Variants in IRF2BPL observed in about 807,000 individuals in gnomAD.
IRF2BPL encodes the protein interferon regulatory factor 2 binding protein like.
A neutral mutation model predicts 51.2 loss-of-function variants in IRF2BPL; 13 were observed. The ratio of observed to expected loss-of-function variants is 0.25; its 90% CI spans 0.17 to 0.40. The LOEUF (loss-of-function observed/expected upper bound fraction) is 0.40. Among genes scored for constraint, IRF2BPL ranks in the 10% least tolerant of loss-of-function variants. IRF2BPL has a pLI of 1.00. For synonymous variants in IRF2BPL, 768 were observed against 509.2 expected, an observed-to-expected ratio of 1.51 and a Z score of -6.84; for missense variants, 1,210 against 1,111.8, an observed-to-expected ratio of 1.09 and a Z score of -1.26.
Position 77,027,635 on chromosome 14 carries a change from G to C in IRF2BPL, c.158C>G (p.Thr53Arg). Residue 53 changes from threonine to arginine, a missense_variant, in exon 1 of 1, where the codon ACA becomes AGA. Transcript: ENST00000238647. ...GTGCGCCCGCTTCAGCTGGCGCGCT[G>C]TCTCGATCACGAATTCGATGCGATC... ...GADRIEFVIE[T>R]ARQLKRAHGC... is the part of the protein sequence containing the mutation. 6.2e-7 allele frequency: 1 copy of C among 1,609,628 alleles called. No homozygotes were observed. The highest frequency in any genetic ancestry group is 1.1e-5 in the South Asian group (1 of 90,814).
rs1248903106 is a variant in IRF2BPL at position 77,027,370 on chromosome 14, C to T, written c.423G>A (p.Ala141=). 2.0e-6 allele frequency: 3 copies of T among 1,515,224 alleles called. No individual in the cohort carries two copies. The highest frequency in any genetic ancestry group is 1.8e-6 in the Non-Finnish European group (2 of 1,134,910). The allele number at this position is 1,515,224 out of a possible 1,614,324, so 93.9% of individuals were successfully genotyped here. ...CGTAGCGCTCCAGGCCAGACGGGGC[C>T]GCCAGCACCGCAGGCTTGCTGGAAC... ...VDGSSKPAVL[A]APSGLERYGL... The change falls in exon 1 of 1, where the codon GCG becomes GCA. Residue 141 remains alanine (A), a synonymous_variant. Transcript: ENST00000238647.
Position 77,026,289 on chromosome 14 carries a change from C to T in IRF2BPL, c.1504G>A (p.Ala502Thr), listed in dbSNP as rs1489269809. The T allele has an allele frequency of 6.6e-7, 1 of 1,519,558 alleles. No individual in the cohort carries two copies. The highest frequency in any genetic ancestry group is 8.8e-7 in the Non-Finnish European group (1 of 1,135,014). 94.1% of individuals were successfully genotyped at this position (1,519,558 alleles called of 1,614,324 possible). A position where few individuals can be genotyped will look rare whatever the true frequency, so the allele number is the denominator to read the frequency against. The change falls in exon 1 of 1, where the codon GCC becomes ACC. Residue 502 changes from alanine to threonine, a missense_variant. Coordinates refer to ENST00000238647, the MANE Select transcript of IRF2BPL (RefSeq NM_024496.4). ...GCAGTGGGCAGCATGGGACAGCTGG[C>T]GTCCAGGTAGGGCTGGGGCAGCATG... ...ADMLPQPYLD[A>T]SCPMLPTALV...
rs761663166 is a variant in IRF2BPL at position 77,027,446 on chromosome 14, TGCTGTTGC to T, written c.339_346del (p.Gln114AlafsTer16). On this transcript the variant is annotated frameshift_variant, in exon 1 of 1. Transcript: ENST00000238647. LOFTEE classifies it high-confidence loss of function. ...CTGCTGCTGCTGCTGCTGCTGCTGC[TGCTGTTGC>T]TGCTGCTGCTGCTGCTGTTGCTGTT... is the stretch of plus-strand genomic sequence containing the variant. The T allele has an allele frequency of 1.5e-3, 1,462 of 968,094 alleles. 3 individuals carry two copies. The highest frequency in any genetic ancestry group is 0.01 in the South Asian group (596 of 58,784). The allele number at this position is 968,094 out of a possible 1,614,324, so 60.0% of individuals were successfully genotyped here.
rs575212255 is a variant in IRF2BPL, at chr14:77,027,917, G to C, written c.-125C>G. ...GGGAGGGAGGAGGGGGGGCGAGAAA[G>C]TTCTGCCCCAGGGGCTGGAGGGAAC... On this transcript the variant is annotated 5_prime_UTR_variant, in exon 1 of 1. Coordinates refer to ENST00000238647, the MANE Select transcript of IRF2BPL (RefSeq NM_024496.4). 3.2e-5 allele frequency: 39 copies of C among 1,237,722 alleles called. No individual in the cohort carries two copies. The South Asian group carries it at 6.1e-4, about 19-fold the overall frequency. The allele number at this position is 1,237,722 out of a possible 1,614,324, so 76.7% of individuals were successfully genotyped here.
Position 77,027,484 on chromosome 14 carries a change from TTGCGC to T in IRF2BPL, c.304_308del (p.Ala102ThrfsTer29). Reference sequence around the variant, plus strand: ...GCTGCTGCTGCTGTTGCTGTTGCTGTTGCGCGGCGGCGGCGGCGGCCGCCGCTGCT... The same window carrying T: ...GCTGCTGCTGCTGTTGCTGTTGCTGTGGCGGCGGCGGCGGCCGCCGCTGCT... On this transcript the variant is annotated frameshift_variant, in exon 1 of 1. Coordinates refer to ENST00000238647, the MANE Select transcript of IRF2BPL (RefSeq NM_024496.4). LOFTEE classifies it high-confidence loss of function. The T allele has an allele frequency of 7.6e-7, 1 of 1,318,234 alleles. No homozygotes were observed. The highest frequency in any genetic ancestry group is 9.7e-7 in the Non-Finnish European group (1 of 1,035,434). The allele number at this position is 1,318,234 out of a possible 1,614,324, so 81.7% of individuals were successfully genotyped here.
At position 77,025,244 on chromosome 14, in the gene IRF2BPL, A is replaced by C; in HGVS notation, c.*158T>G. The C allele has an allele frequency of 2.1e-6, 1 of 472,998 alleles. No homozygotes were observed. Among genetic ancestry groups the C allele is most frequent in the Admixed American group, 3.8e-5 (1 of 26,586 alleles). The allele number at this position is 472,998 out of a possible 1,614,324, so 29.3% of individuals were successfully genotyped here. ...CAAAATATAGAAACATACGACGAAA[A>C]TAATGTCTATACATAAGACTAACTT... is the stretch of plus-strand genomic sequence containing the variant. On this transcript the variant is annotated 3_prime_UTR_variant, in exon 1 of 1. Coordinates refer to ENST00000238647, the MANE Select transcript of IRF2BPL (RefSeq NM_024496.4).
Position 77,027,929 on chromosome 14 carries a change from G to A in IRF2BPL, c.-137C>T, listed in dbSNP as rs1044838559. 1.3e-5 allele frequency: 14 copies of A among 1,113,260 alleles called. No homozygotes were observed. The highest frequency in any genetic ancestry group is 1.7e-5 in the Non-Finnish European group (14 of 832,508). The allele number at this position is 1,113,260 out of a possible 1,614,324, so 69.0% of individuals were successfully genotyped here. ...GGGGGGCGAGAAAGTTCTGCCCCAG[G>A]GGCTGGAGGGAACGCGAGTCTCCAC... On this transcript the variant is annotated 5_prime_UTR_variant, in exon 1 of 1. Coordinates refer to ENST00000238647, the MANE Select transcript of IRF2BPL (RefSeq NM_024496.4).
Position 77,026,438 on chromosome 14 carries a change from C to A in IRF2BPL, c.1355G>T (p.Gly452Val). Residue 452 changes from glycine to valine, a missense_variant, in exon 1 of 1, where the codon GGC becomes GTC. By Grantham distance (109) the Gly-to-Val change is moderately radical (BLOSUM62 -3). Transcript: ENST00000238647. ...CAGGTACTTGAAACCCGAGGATAGG[C>A]CCCGGCCGAAGTCCTTCATGCAGTC... ...YQDCMKDFGR[G>V]LSSGFKYLEY... 6.2e-7 allele frequency: 1 copy of A among 1,613,484 alleles called. No homozygotes were observed. The highest frequency in any genetic ancestry group is 8.5e-7 in the Non-Finnish European group (1 of 1,180,000).
chr14:77,026,988 C>A lies in IRF2BPL; in HGVS notation c.805G>T (p.Ala269Ser). ...QTLLNGPASAAVLPPPPPHAL... is the reference protein window; with the variant it reads ...QTLLNGPASASVLPPPPPHAL... ...TGGGGAGGGGGTGGGGGGAGTACCG[C>A]AGCGCTGGCCGGGCCGTTAAGCAGC... The change falls in exon 1 of 1, where the codon GCG (alanine) becomes TCG (serine). Residue 269 changes from alanine to serine, a missense_variant. Ala to Ser is a moderately conservative substitution (Grantham distance 99). Coordinates refer to ENST00000238647, the MANE Select transcript of IRF2BPL (RefSeq NM_024496.4). The A allele has an allele frequency of 6.7e-7, 1 of 1,491,610 alleles. No individual in the cohort carries two copies. The highest frequency in any genetic ancestry group is 2.2e-5 in the Admixed American group (1 of 45,340). 92.4% of individuals were successfully genotyped at this position (1,491,610 alleles called of 1,614,324 possible).
Position 77,025,662 on chromosome 14 carries a change from C to G in IRF2BPL, c.2131G>C (p.Gly711Arg). 1 of 1,564,780 alleles carries G rather than the reference C, an allele frequency of 6.4e-7. No individual in the cohort carries two copies. The highest frequency in any genetic ancestry group is 8.7e-7 in the Non-Finnish European group (1 of 1,152,474). ...NIPDSPMANSGPLCCTICHER... is the reference protein window; with the variant it reads ...NIPDSPMANSRPLCCTICHER... ...TGGCAAATGGTGCAGCAGAGGGGTC[C>G]GCTGTTGGCCATGGGGGAATCCGGA... The change falls in exon 1 of 1, where the codon GGA becomes CGA. Residue 711 changes from glycine to arginine, a missense_variant. Physicochemically the swap from Gly to Arg is moderately radical, Grantham distance 125 (BLOSUM62 -2). Transcript: ENST00000238647.
In IRF2BPL at chr14:77,026,486, C is replaced by T. The variant is rs1371508554; in HGVS notation, c.1307G>A (p.Gly436Asp). 4 of 1,613,490 alleles carry T rather than the reference C, an allele frequency of 2.5e-6. No individual in the cohort carries two copies. Among genetic ancestry groups the T allele is most frequent in the South Asian group, 1.1e-5 (1 of 91,092 alleles). The change falls in exon 1 of 1, where the codon GGT becomes GAT. Residue 436 changes from glycine (G) to aspartate (D), a missense_variant. Coordinates refer to ENST00000238647, the MANE Select transcript of IRF2BPL (RefSeq NM_024496.4). ...GTCCTGATACATCTGCTTGGCCACA[C>T]CAGATGCACTGGAGTACACGTTGCC... ...GSGNVYSSAS[G>D]VAKQMYQDCM... is the part of the protein sequence containing the mutation.
rs375067173 is a variant in IRF2BPL, at chr14:77,026,855, G to A, written c.938C>T (p.Ser313Leu). Reference protein sequence around the residue: ...PGVSATSSSASSSTSSSVAEV... With the variant: ...PGVSATSSSALSSTSSSVAEV... ...TGCCACCGACGAAGAGGTCGAAGAC[G>A]ACGCGGAGGACGACGTGGCCGATAC... is the stretch of plus-strand genomic sequence containing the variant. The change falls in exon 1 of 1, where the codon TCG becomes TTG. Residue 313 changes from serine (S) to leucine (L), a missense_variant. Transcript: ENST00000238647. The A allele has an allele frequency of 5.5e-5, 88 of 1,599,762 alleles. No individual in the cohort carries two copies. The East Asian group carries it at 6.1e-4, about 11-fold the overall frequency.
In IRF2BPL at chr14:77,026,774, T is replaced by C. The variant is rs767558265; in HGVS notation, c.1019A>G (p.Gln340Arg). Residue 340 changes from glutamine (Q) to arginine (R), a missense_variant, in exon 1 of 1, where the codon CAG becomes CGG. Gln to Arg is a conservative substitution (Grantham distance 43, BLOSUM62 1). Coordinates refer to ENST00000238647, the MANE Select transcript of IRF2BPL (RefSeq NM_024496.4). ...CTGCTTCTCCTTCAACTCGCGCTCC[T>C]GGTCTGTGCTCGACACCGAGCCGGG... ...KRPGSVSSTDQERELKEKQRN... is the reference protein window; with the variant it reads ...KRPGSVSSTDRERELKEKQRN... 2 of 1,612,538 alleles carry C rather than the reference T, an allele frequency of 1.2e-6. No homozygotes were observed. Among genetic ancestry groups the C allele is most frequent in the Non-Finnish European group, 1.7e-6 (2 of 1,179,798 alleles).
At position 77,026,608 on chromosome 14, in the gene IRF2BPL, G is replaced by A. The variant is rs375172284; in HGVS notation, c.1185C>T (p.Asp395=). ...CGAAAACGCGGCCCAGCAGCGAGTG[G>A]TCCTTCTTGAAGCGAACCTCGTAGG... ...CTPYEVRFKK[D]HSLLGRVFAF... Residue 395 remains aspartate, a synonymous_variant, in exon 1 of 1, where the codon GAC becomes GAT. Coordinates refer to ENST00000238647, the MANE Select transcript of IRF2BPL (RefSeq NM_024496.4). The A allele has an allele frequency of 7.7e-5, 124 of 1,613,714 alleles. No homozygotes were observed. The highest frequency in any genetic ancestry group is 3.3e-4 in the Middle Eastern group (2 of 6,084).
Position 77,027,284 on chromosome 14 carries a change from C to G in IRF2BPL, c.509G>C (p.Arg170Pro). The change falls in exon 1 of 1, where the codon CGC becomes CCC. Residue 170 changes from arginine to proline, a missense_variant. Arg to Pro is a moderately radical substitution (Grantham distance 103). Transcript: ENST00000238647. ...AAAAAVEQRS[R>P]FEYPPPPVSL... ...CACCGGCGGTGGCGGGTACTCGAAG[C>G]GGCTGCGCTGTTCCACCGCAGCGGC... 1 of 1,575,920 alleles carries G rather than the reference C, an allele frequency of 6.3e-7. No homozygotes were observed. Among genetic ancestry groups the G allele is most frequent in the Non-Finnish European group, 8.6e-7 (1 of 1,167,182 alleles).
Position 77,027,854 on chromosome 14 carries a change from G to A in IRF2BPL, c.-62C>T, listed in dbSNP as rs952021011. ...CTGTCTCCGCGGCGCCTTCTCCTCC[G>A]GGAGGACTGGCCGGCTGGGGAGGGA... is the stretch of plus-strand genomic sequence containing the variant. On this transcript the variant is annotated 5_prime_UTR_variant, in exon 1 of 1. Transcript: ENST00000238647. 15 of 1,426,796 alleles carry A rather than the reference G, an allele frequency of 1.1e-5. No homozygotes were observed. The highest frequency in any genetic ancestry group is 1.5e-5 in the African/African-American group (1 of 68,236). 88.4% of individuals were successfully genotyped at this position (1,426,796 alleles called of 1,614,324 possible). A position where few individuals can be genotyped will look rare whatever the true frequency, so the allele number is the denominator to read the frequency against.
Position 77,025,223 on chromosome 14 carries a change from A to G in IRF2BPL, c.*179T>C, listed in dbSNP as rs1291157142. The G allele has an allele frequency of 4.3e-6, 2 of 466,514 alleles. No individual in the cohort carries two copies. The highest frequency in any genetic ancestry group is 7.5e-6 in the Non-Finnish European group (2 of 265,128). 28.9% of individuals were successfully genotyped at this position (466,514 alleles called of 1,614,324 possible). ...AGAAGTTACATACCTTTGTTTCAAAATATAGAAACATACGACGAAAATAAT... is the reference window on the plus strand; with the variant it reads ...AGAAGTTACATACCTTTGTTTCAAAGTATAGAAACATACGACGAAAATAAT... On this transcript the variant is annotated 3_prime_UTR_variant, in exon 1 of 1. Coordinates refer to ENST00000238647, the MANE Select transcript of IRF2BPL (RefSeq NM_024496.4).
In IRF2BPL at chr14:77,025,724, G is replaced by A; in HGVS notation, c.2069C>T (p.Ala690Val). Residue 690 changes from alanine to valine, a missense_variant, in exon 1 of 1, where the codon GCC becomes GTC. By Grantham distance (64) the Ala-to-Val change is moderately conservative. Transcript: ENST00000238647. The part of the protein sequence containing the change: ...NLQVAPPPPS[A>V]HPGMDQVHPQ... ...GTGCACTTGGTCCATGCCCGGGTGG[G>A]CGCTAGGCGGCGGGGGCGCCACCTG... 2 of 1,576,964 alleles carry A rather than the reference G, an allele frequency of 1.3e-6. No homozygotes were observed. The highest frequency in any genetic ancestry group is 4.5e-5 in the East Asian group (2 of 44,616).
At position 77,027,349 on chromosome 14, in the gene IRF2BPL, G is replaced by A. The variant is rs1272648379; in HGVS notation, c.444C>T (p.Arg148=). Residue 148 remains arginine (R), a synonymous_variant, in exon 1 of 1, where the codon CGC becomes CGT. Transcript: ENST00000238647. Reference sequence around the variant, plus strand: ...CGGCGGCGGCAGCGCTTAGGCCGTAGCGCTCCAGGCCAGACGGGGCCGCCA... The same window carrying A: ...CGGCGGCGGCAGCGCTTAGGCCGTAACGCTCCAGGCCAGACGGGGCCGCCA... ...AVLAAPSGLE[R]YGLSAAAAAA... 5 of 1,525,078 alleles carry A rather than the reference G, an allele frequency of 3.3e-6. No individual in the cohort carries two copies. Among genetic ancestry groups the A allele is most frequent in the South Asian group, 1.2e-5 (1 of 82,572 alleles). The allele number at this position is 1,525,078 out of a possible 1,614,324, so 94.5% of individuals were successfully genotyped here.
Sources: allele counts gnomAD v4.1 joint callset, GRCh38; gene constraint gnomAD v4.1.1; transcripts MANE v1.5; gene names NCBI Gene and HGNC (gene_info 2026-07-23, HGNC 2026-07-21).